FREM1: variants seen among roughly 807,000 people sequenced by gnomAD.
FREM1 encodes the protein FRAS1-related extracellular matrix protein 1.
Under a neutral mutation model 210.1 loss-of-function variants are expected in FREM1, and 220 were observed. The observed-to-expected ratio is 1.05, with a 90% CI of 0.94 to 1.17. The LOEUF is 1.17. FREM1 is among the 50% of genes most tolerant of loss of function. The pLI is 0.00. For synonymous variants in FREM1, 1,189 were observed against 980.2 expected, an observed-to-expected ratio of 1.21 and a Z score of -3.98; for missense variants, 3,454 against 2,675.5, an observed-to-expected ratio of 1.29 and a Z score of -6.42.
At chr9:14,870,266 T>G (rs1463626444) in intron 1 of FREM1, among the ~76,000 whole-genome samples, 2 of 152,244 alleles carry the variant, frequency 1.3e-5, no homozygotes, top group Non-Finnish European at 2.9e-5. Flanking sequence ...CCCTTGTCAC[T>G]GTTTGCAACC....
intron 23 of FREM1, among the ~76,000 whole-genome samples, chr9:14,784,877 G>A (rs1563922405): frequency 6.6e-6 from 1 of 152,192 alleles, no homozygotes; most frequent in South Asian, 2.1e-4. Context: ...AGTAATTATG[G>A]AAATACAAAT....
chr9:14,823,143 T>A lies in FREM1; in HGVS notation c.2337+17A>T. ...CTTTTCCTCCTTTTCATCCTCTATA[T>A]AGAACATTGTACATACCTCAGGAAC... is the stretch of plus-strand genomic sequence containing the variant. On this transcript the variant is annotated intron_variant, in intron 13 of 36. Coordinates refer to ENST00000380880, the MANE Select transcript of FREM1 (RefSeq NM_001379081.2). 1 of 1,603,604 alleles carries A rather than the reference T, an allele frequency of 6.2e-7. No homozygotes were observed. Among genetic ancestry groups the A allele is most frequent in the Non-Finnish European group, 8.5e-7 (1 of 1,170,930 alleles).
chr9:14,747,317 G>T lies in FREM1; in HGVS notation c.5956C>A (p.Leu1986Met), dbSNP rs375669260. 1 of 1,613,710 alleles carries T rather than the reference G, an allele frequency of 6.2e-7. No individual in the cohort carries two copies. ...QPQKTIKVAE[L>M]PQADKVESTT... ...GATTCCACCTTATCTGCTTGAGGCA[G>T]TTCTGCCACTTTGATTGTCTTTTGT... The change falls in exon 33 of 37, where the codon CTG becomes ATG. Residue 1986 changes from leucine to methionine, a missense_variant. Coordinates refer to ENST00000380880, the MANE Select transcript of FREM1 (RefSeq NM_001379081.2).
At position 14,824,902 on chromosome 9, in the gene FREM1, C is replaced by T. The variant is rs745847051; in HGVS notation, c.1972G>A (p.Val658Met). Residue 658 changes from valine to methionine, a missense_variant, in exon 11 of 37, where the codon GTG becomes ATG. Coordinates refer to ENST00000380880, the MANE Select transcript of FREM1 (RefSeq NM_001379081.2). Reference protein sequence around the residue: ...SRHLVVKETEVAYITKKQLHF... With the variant: ...SRHLVVKETEMAYITKKQLHF... ...AGCTGTTTCTTAGTTATATAGGCCA[C>T]CTCAGTTTCCTTGACAACCAAATGC... is the stretch of plus-strand genomic sequence containing the variant. 6.2e-6 allele frequency: 10 copies of T among 1,611,582 alleles called. No homozygotes were observed. The highest frequency in any genetic ancestry group is 1.3e-5 in the African/African-American group (1 of 74,766).
intron 23 of FREM1, among the ~76,000 whole-genome samples, chr9:14,788,136 T>C (rs1346800475): frequency 6.6e-6 from 1 of 152,184 alleles, no homozygotes; most frequent in East Asian, 1.9e-4. Flanking sequence ...AAGCATGTAC[T>C]GAGGATCTAA....
rs538325017 is a variant in FREM1 at position 14,792,644 on chromosome 9, T to C, written c.3981+99A>G. On this transcript the variant is annotated intron_variant, in intron 22 of 36. Transcript: ENST00000380880. ...AATTTTCTACTTCTAGGCAAATATA[T>C]GTCTATCAGAGAATAAATCCCATCA... 26 of 895,630 alleles carry C rather than the reference T, an allele frequency of 2.9e-5. No homozygotes were observed. The South Asian group carries it at 4.5e-4, about 15-fold the overall frequency. 55.5% of individuals were successfully genotyped at this position (895,630 alleles called of 1,614,324 possible).
chr9:14,797,985 C>T (rs1339055872), intron 20 of FREM1, among the ~76,000 whole-genome samples: 1 of 151,964 alleles, frequency 6.6e-6, no homozygotes, highest in Admixed American at 6.6e-5. Context: ...ATCCCTACCT[C>T]GAGCCAATCA....
intron 23 of FREM1, among the ~76,000 whole-genome samples, chr9:14,785,990 T>C (rs1850370936): frequency 6.6e-6 from 1 of 152,168 alleles, no homozygotes; most frequent in Non-Finnish European, 1.5e-5. Context: ...GGACCAATGA[T>C]GCAGTTTCAC....
At chr9:14,865,909 C>A (rs923007372) in intron 2 of FREM1, among the ~76,000 whole-genome samples, 26 of 150,960 alleles carry the variant, frequency 1.7e-4, no homozygotes, top group African/African-American at 6.3e-4. Flanking sequence ...ATATAGATTT[C>A]TCTCACACAC....
At chr9:14,743,588 C>T (rs1270977363) in intron 35 of FREM1, among the ~76,000 whole-genome samples, 7 of 152,022 alleles carry the variant, frequency 4.6e-5, no homozygotes, top group Non-Finnish European at 1.0e-4. Flanking sequence ...ACATTAAGAA[C>T]CAATGAAAGC....
chr9:14,865,062 G>A (rs916349960), intron 2 of FREM1, among the ~76,000 whole-genome samples: 1 of 152,184 alleles, frequency 6.6e-6, no homozygotes, highest in Non-Finnish European at 1.5e-5. Flanking sequence ...AAACAAAGGA[G>A]AGCTAAATCC....
intron 3 of FREM1, among the ~76,000 whole-genome samples, chr9:14,861,829 C>A (rs913332204): frequency 5.3e-5 from 8 of 152,038 alleles, no homozygotes; most frequent in African/African-American, 1.7e-4. Context: ...TTGTTACAAA[C>A]AATCCAATTA....
intron 25 of FREM1, 82 bp from the exon 26 acceptor site, chr9:14,770,888 G>T: frequency 1.0e-6 from 1 of 959,356 alleles, no homozygotes; most frequent in South Asian, 1.6e-5. Context: ...GTTCAACAAT[G>T]ACACACTGTC....
In FREM1 at chr9:14,808,073, C is replaced by G. The variant is rs1818706880; in HGVS notation, c.2955G>C (p.Glu985Asp). The G allele has an allele frequency of 1.2e-6, 2 of 1,613,582 alleles. No individual in the cohort carries two copies. Among genetic ancestry groups the G allele is most frequent in the East Asian group, 4.5e-5 (2 of 44,870 alleles). The change falls in exon 17 of 37, where the codon GAG becomes GAC. Residue 985 changes from glutamate (E) to aspartate (D), a missense_variant. Transcript: ENST00000380880. ...AACAGCCATTCACAAAAGGGCCAGC[C>G]TCTCCATCCGAAACCACCAATGTAA... Reference protein sequence around the residue: ...DTITLVVSDGEAGPFVNGCCY... With the variant: ...DTITLVVSDGDAGPFVNGCCY...
intron 2 of FREM1, 79 bp from the exon 3 acceptor site, chr9:14,863,982 C>T (rs1831056175): frequency 1.2e-6 from 1 of 863,912 alleles, no homozygotes. Flanking sequence ...AGAGCACTGC[C>T]TGGAGAAAAT....
intron 12 of FREM1, among the ~76,000 whole-genome samples, chr9:14,823,792 A>G (rs1198309810): frequency 2.0e-5 from 3 of 152,202 alleles, no homozygotes; most frequent in Non-Finnish European, 4.4e-5. Flanking sequence ...AAACAATACA[A>G]AAGTCTGTTT....
At chr9:14,833,511 CA>C (rs1823971053) in intron 10 of FREM1, among the ~76,000 whole-genome samples, 2 of 152,168 alleles carry the variant, frequency 1.3e-5, no homozygotes, top group South Asian at 2.1e-4. Flanking sequence ...ATGGTAGTTT[CA>C]AAAGCTGCCT....
At chr9:14,745,056 T>C (rs569951744) in intron 35 of FREM1, among the ~76,000 whole-genome samples, 1 of 152,126 alleles carries the variant, frequency 6.6e-6, no homozygotes, top group Non-Finnish European at 1.5e-5. Flanking sequence ...AAGTGAGAGC[T>C]ACATGATGAG....
Position 14,816,792 on chromosome 9 carries a change from C to T in FREM1, c.2626G>A (p.Val876Ile). Residue 876 changes from valine to isoleucine, a missense_variant, in exon 15 of 37, where the codon GTA becomes ATA. Val to Ile is a conservative substitution (Grantham distance 29). Transcript: ENST00000380880. ...VTDGTNSAEFVLHVEVFPVND... is the reference protein window; with the variant it reads ...VTDGTNSAEFILHVEVFPVND... ...TTTCTACCCACCTCAACATGTAGTA[C>T]AAATTCTGCTGAATTTGTGCCATCG... 2.1e-6 allele frequency: 3 copies of T among 1,419,308 alleles called. No homozygotes were observed. Among genetic ancestry groups the T allele is most frequent in the Non-Finnish European group, 2.8e-6 (3 of 1,058,710 alleles). 87.9% of individuals were successfully genotyped at this position (1,419,308 alleles called of 1,614,324 possible).
Sources: gnomAD v4.1 joint callset for allele counts (sites outside exome capture counted in the v4.1 genomes callset) on GRCh38, gnomAD v4.1.1 for gene constraint, MANE v1.5 for transcripts, NCBI Gene and HGNC (gene_info 2026-07-23, HGNC 2026-07-21) for gene names.